The following DAB1 variants were observed in gnomAD, a reference collection of about 807,000 sequenced individuals.
DAB1 encodes DAB adaptor protein 1, also known as disabled homolog 1.
A neutral mutation model predicts 64.6 loss-of-function variants in DAB1; 15 were observed. The observed-to-expected ratio is 0.23, with a 90% confidence interval of 0.16 to 0.36. The LOEUF (loss-of-function observed/expected upper bound fraction) is 0.36. DAB1 is among the 10% of genes least tolerant of loss of function. The pLI, the probability that DAB1 is intolerant of heterozygous loss-of-function variation, is 1.00. For synonymous variants in DAB1, 235 were observed against 251.9 expected, an observed-to-expected ratio of 0.93 and a Z score of 0.64; for missense variants, 596 against 706.7, an observed-to-expected ratio of 0.84 and a Z score of 1.78.
At chr1:58,302,299 C>A (rs1349407025) in intron 4 of DAB1, among the ~76,000 whole-genome samples, 4 of 151,942 alleles carry the variant, frequency 2.6e-5, no homozygotes, top group Admixed American at 2.6e-4. Context: ...AAAGAATGGC[C>A]ATTAAATGTC....
chr1:57,997,511 G>A (rs1646443208), intron 5 of DAB1, among the ~76,000 whole-genome samples: 1 of 152,102 alleles, frequency 6.6e-6, no homozygotes, highest in Admixed American at 6.6e-5. Flanking sequence ...CTGCCTTATA[G>A]CCCCTCAGTT....
rs1557427566 is a variant in DAB1, at chr1:57,695,273, G to GGAGAGAGAAAGAAAGAAAGAAAGA, written n.552-45609_552-45608insTCTTTCTTTCTTTCTTTCTCTCTC. Among the ~76,000 whole-genome samples, 6 of 76,428 alleles carry GGAGAGAGAAAGAAAGAAAGAAAGA rather than the reference G, an allele frequency of 7.9e-5. 2 individuals are homozygous for GGAGAGAGAAAGAAAGAAAGAAAGA. Among genetic ancestry groups the GGAGAGAGAAAGAAAGAAAGAAAGA allele is most frequent in the Non-Finnish European group, 1.5e-4 (6 of 39,270 alleles). 50.1% of individuals were successfully genotyped at this position (76,428 alleles called of 152,430 possible). A position where few individuals can be genotyped will look rare whatever the true frequency, so the allele number is the denominator to read the frequency against. On this transcript the variant is annotated intron_variant and non_coding_transcript_variant, in intron 6 of 20. Transcript: ENST00000485760. ...AGAAAGAAAGAAGGAAGGAAGGAAG[G>GGAGAGAGAAAGAAAGAAAGAAAGA]AAGGAAGGAAGAAAGGGAGAGAGAA...
chr1:58,131,979 G>A (rs1016935645), intron 5 of DAB1, among the ~76,000 whole-genome samples: 21 of 151,996 alleles, frequency 1.4e-4, no homozygotes, highest in Admixed American at 1.1e-3. Flanking sequence ...GCTGTGGTGG[G>A]CTCCACCCAG....
chr1:58,450,468 AGGAAAAATCGAACAGTT>A (rs1256718079), intron 3 of DAB1, among the ~76,000 whole-genome samples: 4 of 152,190 alleles, frequency 2.6e-5, no homozygotes, highest in African/African-American at 9.7e-5. Context: ...GAATACGGAA[AGGAAAAATCGAACAGTT>A]GGCTCACGTC....
At position 57,011,174 on chromosome 1, in the gene DAB1, T is replaced by C. The variant is rs747317225; in HGVS notation, c.1543A>G (p.Ser515Gly). Residue 515 changes from serine (S) to glycine (G), a missense_variant, in exon 13 of 15, where the codon AGT (serine) becomes GGT (glycine). By Grantham distance (56) the Ser-to-Gly change is moderately conservative (BLOSUM62 0). This residue lies in a region of DAB1 where 377 missense variants were observed against 400.4 expected (regional missense o/e 0.94). Coordinates refer to ENST00000371236, the MANE Select transcript of DAB1 (RefSeq NM_001365792.1). The part of the protein sequence containing the change: ...TDDIFEEGFE[S>G]PSKSEEQEAP... ...TCTTGCTCTTCGCTTTTGCTGGGAC[T>C]TTCAAAGCCCTCTTCAAAGATGTCA... The C allele has an allele frequency of 1.9e-6, 3 of 1,614,102 alleles. No individual in the cohort carries two copies. The South Asian group carries it at 3.3e-5, about 18-fold the overall frequency.
At chr1:57,581,881 T>C (rs1038159805) in intron 7 of DAB1, among the ~76,000 whole-genome samples, 15 of 152,204 alleles carry the variant, frequency 9.9e-5, no homozygotes, top group Non-Finnish European at 2.2e-4. Flanking sequence ...TGAGCTGCTA[T>C]AACAACATAC....
intron 9 of DAB1, among the ~76,000 whole-genome samples, chr1:57,028,308 A>T (rs1646857463): frequency 6.6e-6 from 1 of 152,116 alleles, no homozygotes; most frequent in Admixed American, 6.6e-5. Context: ...GCCATGTAAG[A>T]TGTGCCTTTT....
Position 57,275,233 on chromosome 1 carries a change from T to C in DAB1, c.67+15731A>G, listed in dbSNP as rs375372979. Among the ~76,000 whole-genome samples, 91 of 152,300 alleles carry C rather than the reference T, an allele frequency of 6.0e-4. 1 individual carries two copies. The South Asian group carries it at 0.016, about 27-fold the overall frequency. On this transcript the variant is annotated intron_variant, in intron 2 of 14. Transcript: ENST00000371236. ...ATTTCCAGTAGACCTGGCCTAAAAA[T>C]TGTCATTTAAATTTGCAATTTAAAA...
At chr1:57,182,846 C>T (rs114417693) in intron 2 of DAB1, among the ~76,000 whole-genome samples, 1,612 of 152,058 alleles carry the variant, frequency 0.011, 19 homozygotes, top group African/African-American at 0.035. Flanking sequence ...ATCCAGAGTC[C>T]AGGGCTGTGC....
At chr1:57,125,782 T>A (rs540243932) in intron 4 of DAB1, among the ~76,000 whole-genome samples, 1 of 152,318 alleles carries the variant, frequency 6.6e-6, no homozygotes, top group African/African-American at 2.4e-5. Flanking sequence ...AAGTGGGTTG[T>A]ATCACTGAAG....
intron 6 of DAB1, among the ~76,000 whole-genome samples, chr1:57,668,829 T>C (rs1646477756): frequency 6.6e-6 from 1 of 151,892 alleles, no homozygotes; most frequent in Non-Finnish European, 1.5e-5. Context: ...CCCTGAAGAG[T>C]TTTTGGACTT....
intron 6 of DAB1, among the ~76,000 whole-genome samples, chr1:57,736,444 T>C (rs999553016): frequency 1.3e-5 from 2 of 152,210 alleles, no homozygotes; most frequent in Non-Finnish European, 2.9e-5. Context: ...AATCGCAGCA[T>C]ATGAGAGGAA....
intron 6 of DAB1, among the ~76,000 whole-genome samples, chr1:57,744,600 A>C (rs1648173647): frequency 6.6e-6 from 1 of 152,196 alleles, no homozygotes; most frequent in Admixed American, 6.5e-5. Context: ...AAGTGGAAAG[A>C]AAACTATGAT....
intron 6 of DAB1, among the ~76,000 whole-genome samples, chr1:57,738,500 AC>A (rs1316106754): frequency 6.6e-6 from 1 of 151,316 alleles, no homozygotes; most frequent in Non-Finnish European, 1.5e-5. Context: ...CCCCACACAT[AC>A]CCCCAACCCC....
At chr1:57,848,303 A>G (rs901909402) in intron 1 of DAB1, among the ~76,000 whole-genome samples, 1 of 152,280 alleles carries the variant, frequency 6.6e-6, no homozygotes, top group African/African-American at 2.4e-5. Flanking sequence ...GATAGCACAC[A>G]TGTGCACATG....
chr1:58,508,090 CA>C (rs1442069269), intron 2 of DAB1, among the ~76,000 whole-genome samples: 26 of 152,046 alleles, frequency 1.7e-4, no homozygotes, highest in Non-Finnish European at 3.7e-4. Context: ...ATCTTTAAAG[CA>C]ATATTTGATA....
chr1:57,767,337 C>T (rs1451268819), intron 6 of DAB1, among the ~76,000 whole-genome samples: 1 of 152,152 alleles, frequency 6.6e-6, no homozygotes, highest in African/African-American at 2.4e-5. Flanking sequence ...ACCTCTATCA[C>T]TCAGGAAATT....
intron 4 of DAB1, among the ~76,000 whole-genome samples, chr1:57,107,437 C>G (rs1397136571): frequency 6.6e-6 from 1 of 150,626 alleles, no homozygotes; most frequent in Non-Finnish European, 1.5e-5. Context: ...AGAGTGCTGC[C>G]TATTATATGC....
chr1:58,312,489 C>A (rs1251834621), intron 4 of DAB1, among the ~76,000 whole-genome samples: 1 of 152,162 alleles, frequency 6.6e-6, no homozygotes, highest in Non-Finnish European at 1.5e-5. Flanking sequence ...TTAAGAACGG[C>A]CTTCCCTTTC....
Sources: gnomAD v4.1 joint callset for allele counts (sites outside exome capture counted in the v4.1 genomes callset) on GRCh38, gnomAD v4.1.1 for gene constraint, gnomAD v4.1.1 regional missense constraint, MANE v1.5 for transcripts, NCBI Gene and HGNC (gene_info 2026-07-23, HGNC 2026-07-21) for gene names.